Variants in TTC27 observed in about 807,000 individuals in gnomAD.
TTC27 encodes tetratricopeptide repeat protein 27.
Under a neutral mutation model 115.9 loss-of-function variants are expected in TTC27, and 79 were observed. That is an observed-to-expected ratio of 0.68 (90% CI 0.57 to 0.82). The LOEUF (loss-of-function observed/expected upper bound fraction) is 0.82. Among genes scored for constraint, TTC27 ranks in the 40% least tolerant of loss-of-function variants. The pLI, the probability that TTC27 is intolerant of heterozygous loss-of-function variation, is 0.00. For synonymous variants in TTC27, 401 were observed against 356.0 expected (o/e 1.13, Z -1.42); for missense variants, 1,054 against 993.1 (o/e 1.06, Z -0.82).
At chr2:32,662,099 G>C (rs1459754840) in intron 5 of TTC27, among the ~76,000 whole-genome samples, 1 of 152,184 alleles carries the variant, frequency 6.6e-6, no homozygotes, top group Non-Finnish European at 1.5e-5. Context: ...AACCAGCCTT[G>C]CATCCTGGGG....
At position 32,667,864 on chromosome 2, in the gene TTC27, A is replaced by G. The variant is rs1469397795; in HGVS notation, c.939+1096A>G. On this transcript the variant is annotated intron_variant, in intron 7 of 19. Coordinates refer to ENST00000317907, the MANE Select transcript of TTC27 (RefSeq NM_017735.5). ...AGGTCAGGAGTTCGAGCCCAGTCTGACCAAAATGGTGAAACCCTGTCTCTA... is the reference window on the plus strand; with the variant it reads ...AGGTCAGGAGTTCGAGCCCAGTCTGGCCAAAATGGTGAAACCCTGTCTCTA... Among the ~76,000 whole-genome samples, 3 of 142,680 alleles carry G rather than the reference A, an allele frequency of 2.1e-5. No homozygotes were observed. In the Admixed American group the frequency reaches 2.2e-4, roughly 11 times the overall value. The allele number at this position is 142,680 out of a possible 152,430, so 93.6% of individuals were successfully genotyped here. A position where few individuals can be genotyped will look rare whatever the true frequency, so the allele number is the denominator to read the frequency against.
At chr2:32,676,456 T>G (rs950383689) in intron 8 of TTC27, among the ~76,000 whole-genome samples, 46 of 151,790 alleles carry the variant, frequency 3.0e-4, no homozygotes, top group African/African-American at 1.0e-3. Flanking sequence ...TATAGGGATA[T>G]GTTATATTTT....
chr2:32,659,617 A>G (rs1236818538), intron 5 of TTC27, among the ~76,000 whole-genome samples: 2 of 129,624 alleles, frequency 1.5e-5, no homozygotes, highest in Admixed American at 7.8e-5. Context: ...TGCACGTGCC[A>G]TGGTGGTTTG....
At chr2:32,657,117 C>T (rs1272656606) in intron 5 of TTC27, among the ~76,000 whole-genome samples, 1 of 151,606 alleles carries the variant, frequency 6.6e-6, no homozygotes, top group African/African-American at 2.4e-5. Context: ...TCCTGAGAAG[C>T]TGGGACTACA....
At chr2:32,765,827 C>G (rs970401771) in intron 13 of TTC27, among the ~76,000 whole-genome samples, 1 of 152,172 alleles carries the variant, frequency 6.6e-6, no homozygotes, top group African/African-American at 2.4e-5. Flanking sequence ...TGAACCATCT[C>G]TACTAGATTC....
At chr2:32,723,657 T>C (rs1228416643) in intron 10 of TTC27, among the ~76,000 whole-genome samples, 1 of 150,882 alleles carries the variant, frequency 6.6e-6, no homozygotes, top group East Asian at 1.9e-4. Context: ...CACTTACTCA[T>C]GAAAGTAGTA....
chr2:32,766,506 GT>G (rs1306141156), intron 13 of TTC27: 1 of 455,396 alleles, frequency 2.2e-6, no homozygotes, highest in Non-Finnish European at 4.5e-6. Flanking sequence ...AGATAGGAGA[GT>G]AGCTGGTCAG....
chr2:32,756,405 G>A (rs1041603305), intron 12 of TTC27, among the ~76,000 whole-genome samples: 1 of 152,184 alleles, frequency 6.6e-6, no homozygotes, highest in Admixed American at 6.5e-5. Flanking sequence ...TTGAAGAGAG[G>A]AATTACATGG....
rs117161481 is a variant in TTC27 at position 32,656,217 on chromosome 2, C to T, written c.640+5984C>T. Among the ~76,000 whole-genome samples the T allele has an allele frequency of 7.0e-4, 106 of 152,052 alleles. 1 individual carries two copies. The highest frequency in any genetic ancestry group is 2.3e-3 in the East Asian group (12 of 5,182). On this transcript the variant is annotated intron_variant, in intron 5 of 19. Transcript: ENST00000317907. ...AGTGCTTGCTGTGTTCCAGACACTG[C>T]GCTATGTGCTGTGGATATCAGTGAA...
At chr2:32,720,718 T>C (rs988265234) in intron 10 of TTC27, among the ~76,000 whole-genome samples, 1 of 152,222 alleles carries the variant, frequency 6.6e-6, no homozygotes, top group African/African-American at 2.4e-5. Context: ...AATAAGAGCC[T>C]GAAGTTCAAA....
At chr2:32,698,455 T>TATTATTATTATTATTATA (rs1274906636) in intron 9 of TTC27, among the ~76,000 whole-genome samples, 4 of 150,296 alleles carry the variant, frequency 2.7e-5, no homozygotes, top group African/African-American at 9.7e-5. Context: ...TTATTATTAT[T>TATTATTATTATTATTATA]ATTTTTTAGC....
chr2:32,698,673 G>C (rs952918559), intron 9 of TTC27, among the ~76,000 whole-genome samples: 8 of 151,604 alleles, frequency 5.3e-5, no homozygotes, highest in African/African-American at 1.9e-4. Context: ...GTAGAGATGG[G>C]GTTTCACCAT....
intron 13 of TTC27, among the ~76,000 whole-genome samples, chr2:32,759,847 T>A (rs1032230190): frequency 7.9e-5 from 12 of 152,274 alleles, no homozygotes; most frequent in Non-Finnish European, 1.8e-4. Flanking sequence ...ATACAATATT[T>A]GTCCTTTTGT....
chr2:32,805,297 A>C (rs1031457992), intron 16 of TTC27, among the ~76,000 whole-genome samples: 5 of 152,194 alleles, frequency 3.3e-5, no homozygotes, highest in African/African-American at 1.2e-4. Context: ...GAAGGGCTAT[A>C]TATGTAAGAG....
chr2:32,794,332 A>G (rs1420029085), intron 16 of TTC27, among the ~76,000 whole-genome samples: 1 of 152,226 alleles, frequency 6.6e-6, no homozygotes, highest in Non-Finnish European at 1.5e-5. Flanking sequence ...TGGAAAGTAA[A>G]CAACACACTC....
chr2:32,764,801 T>C (rs1669569531), intron 13 of TTC27, among the ~76,000 whole-genome samples: 1 of 152,260 alleles, frequency 6.6e-6, no homozygotes, highest in East Asian at 1.9e-4. Flanking sequence ...TACAACATCT[T>C]CACGAGGAAC....
chr2:32,666,412 G>A (rs1665778330), intron 6 of TTC27, among the ~76,000 whole-genome samples: 1 of 150,648 alleles, frequency 6.6e-6, no homozygotes, highest in Admixed American at 6.6e-5. Context: ...TTAGTATGTG[G>A]ACTGTAGTGG....
intron 16 of TTC27, among the ~76,000 whole-genome samples, chr2:32,792,044 T>C (rs1670555573): frequency 1.3e-5 from 2 of 152,252 alleles, no homozygotes; most frequent in South Asian, 2.1e-4. Context: ...CTTTCCCCCA[T>C]GAGGCAACTA....
At chr2:32,709,522 G>A (rs1449167669) in intron 10 of TTC27, among the ~76,000 whole-genome samples, 3 of 152,094 alleles carry the variant, frequency 2.0e-5, no homozygotes, top group Non-Finnish European at 2.9e-5. Context: ...ATGTTACTAG[G>A]GTACAACACC....
Sources: gnomAD v4.1 joint callset for allele counts (sites outside exome capture counted in the v4.1 genomes callset) on GRCh38, gnomAD v4.1.1 for gene constraint, MANE v1.5 for transcripts, NCBI Gene and HGNC (gene_info 2026-07-23, HGNC 2026-07-21) for gene names.